Variants in EBF1 observed in about 807,000 individuals in gnomAD.
The protein encoded by EBF1 is EBF transcription factor 1, also known as transcription factor COE1.
In EBF1, 10 loss-of-function variants were observed where a neutral mutation model predicts 68.4. The ratio of observed to expected loss-of-function variants is 0.15; its 90% CI spans 0.09 to 0.25. The LOEUF (loss-of-function observed/expected upper bound fraction) is 0.25, where lower values mean the gene tolerates loss of function less well. Ranked by LOEUF, EBF1 falls within the 10% of genes least tolerant of loss-of-function variation. The pLI is 1.00. For synonymous variants in EBF1, 298 were observed against 299.8 expected, an observed-to-expected ratio of 0.99 and a Z score of 0.06; for missense variants, 509 against 794.4, an observed-to-expected ratio of 0.64 and a Z score of 4.32.
intron 10 of EBF1, among the ~76,000 whole-genome samples, chr5:158,761,818 A>C (rs1187448884): frequency 2.0e-5 from 3 of 152,142 alleles, no homozygotes; most frequent in East Asian, 3.8e-4. Context: ...AAATGGGAGA[A>C]TATTATATTA....
chr5:158,928,523 C>T (rs1490678530), intron 6 of EBF1, among the ~76,000 whole-genome samples: 2 of 152,172 alleles, frequency 1.3e-5, no homozygotes, highest in African/African-American at 4.8e-5. Context: ...TGAGCTATAA[C>T]ACTGTCAGGC....
Position 159,076,765 on chromosome 5 carries a change from G to A in EBF1, c.486-3301C>T, listed in dbSNP as rs138218078. Among the ~76,000 whole-genome samples, 7 of 152,232 alleles carry A rather than the reference G, an allele frequency of 4.6e-5. No homozygotes were observed. The East Asian group carries it at 1.4e-3, about 29-fold the overall frequency. On this transcript the variant is annotated intron_variant, in intron 5 of 15. Transcript: ENST00000313708. ...TGTTCTGCACCTCAAAATAATGTCT[G>A]CTACAAAATAATGTCTACAGTATGA... is the stretch of plus-strand genomic sequence containing the variant.
rs1254050441 is a variant in EBF1, at chr5:158,844,647, T to C, written c.555-4537A>G. ...ACTATAATCCATATGTCCTGATGTC[T>C]AGTTATATAATTTTCCCAACATAAT... On this transcript the variant is annotated intron_variant, in intron 6 of 15. Coordinates refer to ENST00000313708, the MANE Select transcript of EBF1 (RefSeq NM_024007.5). Among the ~76,000 whole-genome samples the C allele has an allele frequency of 2.6e-5, 4 of 152,228 alleles. No homozygotes were observed. In the East Asian group the frequency reaches 7.7e-4, roughly 29 times the overall value.
At chr5:158,966,364 C>T (rs1754100091) in intron 6 of EBF1, among the ~76,000 whole-genome samples, 2 of 152,100 alleles carry the variant, frequency 1.3e-5, no homozygotes, top group Non-Finnish European at 2.9e-5. Context: ...AAGAAAAAGT[C>T]CTTCCAATTT....
chr5:158,912,245 T>A (rs1806145498), intron 6 of EBF1, among the ~76,000 whole-genome samples: 2 of 152,286 alleles, frequency 1.3e-5, no homozygotes, highest in African/African-American at 4.8e-5. Context: ...CACATAGCCA[T>A]TAGTTTCACC....
chr5:158,806,511 G>A (rs149542165), intron 8 of EBF1, among the ~76,000 whole-genome samples: 10 of 152,142 alleles, frequency 6.6e-5, no homozygotes, highest in Non-Finnish European at 1.0e-4. Context: ...CTATGCTGTC[G>A]TGAATGTGGG....
intron 6 of EBF1, among the ~76,000 whole-genome samples, chr5:158,892,133 T>G (rs1281418416): frequency 2.0e-5 from 3 of 152,124 alleles, no homozygotes; most frequent in Non-Finnish European, 2.9e-5. Flanking sequence ...TTCCTAAGTT[T>G]AATATTCTAT....
At chr5:158,951,750 G>A (rs1816051545) in intron 6 of EBF1, among the ~76,000 whole-genome samples, 1 of 152,140 alleles carries the variant, frequency 6.6e-6, no homozygotes, top group Admixed American at 6.5e-5. Context: ...AAGAAAAAAA[G>A]CCAGTCCTCT....
chr5:158,778,305 C>T (rs866139678), intron 9 of EBF1, among the ~76,000 whole-genome samples: 1 of 152,086 alleles, frequency 6.6e-6, no homozygotes, highest in East Asian at 1.9e-4. Flanking sequence ...TTATTAATGG[C>T]CATAAAACTG....
intron 7 of EBF1, among the ~76,000 whole-genome samples, chr5:158,836,171 G>A (rs979348378): frequency 6.6e-6 from 1 of 152,192 alleles, no homozygotes; most frequent in Non-Finnish European, 1.5e-5. Flanking sequence ...GGCTGACTGA[G>A]TTGAAGTTCC....
In EBF1 at chr5:158,696,437, T is replaced by C. The variant is rs936257816; in HGVS notation, c.*2674A>G. ...CCACTGCACATGGCTGACAGATGGG[T>C]AGTGTCTGTTGTCAAGGTCTAAGCC... On this transcript the variant is annotated 3_prime_UTR_variant, in exon 16 of 16. Transcript: ENST00000313708. The C allele has an allele frequency of 4.5e-6, 1 of 221,422 alleles. No homozygotes were observed. Among genetic ancestry groups the C allele is most frequent in the Non-Finnish European group, 9.0e-6 (1 of 110,708 alleles). 13.7% of individuals were successfully genotyped at this position (221,422 alleles called of 1,614,324 possible).
intron 6 of EBF1, among the ~76,000 whole-genome samples, chr5:158,917,324 A>G (rs2127389732): frequency 6.6e-6 from 1 of 152,274 alleles, no homozygotes; most frequent in Middle Eastern, 3.4e-3. Context: ...CAATACAAGC[A>G]ATTCTTGTCC....
intron 10 of EBF1, among the ~76,000 whole-genome samples, chr5:158,736,424 A>C (rs1177293673): frequency 6.6e-6 from 1 of 152,184 alleles, no homozygotes; most frequent in Admixed American, 6.5e-5. Flanking sequence ...GTGCTTTCAC[A>C]TATTTCTGGG....
chr5:158,988,993 C>A (rs1002993492), intron 6 of EBF1, among the ~76,000 whole-genome samples: 1 of 152,186 alleles, frequency 6.6e-6, no homozygotes, highest in Admixed American at 6.5e-5. Context: ...TCTTGCCCAC[C>A]GCAGGCTTAG....
intron 6 of EBF1, among the ~76,000 whole-genome samples, chr5:159,038,098 C>G (rs1408851156): frequency 2.0e-5 from 3 of 152,180 alleles, no homozygotes; most frequent in African/African-American, 2.4e-5. Flanking sequence ...CCATATCTTT[C>G]CTTGTCCTTT....
intron 9 of EBF1, among the ~76,000 whole-genome samples, chr5:158,788,496 T>G (rs1777908306): frequency 6.6e-6 from 1 of 151,938 alleles, no homozygotes; most frequent in Non-Finnish European, 1.5e-5. Flanking sequence ...AAGGTTGGAG[T>G]CAAGGTGGTG....
In EBF1 at chr5:158,911,387, C is replaced by T. The variant is rs527861402; in HGVS notation, c.555-71277G>A. 9.5e-4 allele frequency among the ~76,000 whole-genome samples: 145 copies of T among 152,278 alleles called. No individual in the cohort carries two copies. In the South Asian group the frequency reaches 9.6e-3, roughly 10 times the overall value. Reference sequence around the variant, plus strand: ...ACTGTTTACTTCTATCACTAACCAGCCTGGCTGGTTACAGCTAGCTACACT... The same window carrying T: ...ACTGTTTACTTCTATCACTAACCAGTCTGGCTGGTTACAGCTAGCTACACT... On this transcript the variant is annotated intron_variant, in intron 6 of 15. Coordinates refer to ENST00000313708, the MANE Select transcript of EBF1 (RefSeq NM_024007.5).
chr5:158,783,466 T>C (rs1458181930), intron 9 of EBF1, among the ~76,000 whole-genome samples: 2 of 152,200 alleles, frequency 1.3e-5, no homozygotes, highest in South Asian at 2.1e-4. Context: ...TGCTCAACAA[T>C]AAAAATGCAT....
chr5:158,854,552 C>T (rs1793596816), intron 6 of EBF1, among the ~76,000 whole-genome samples: 1 of 152,168 alleles, frequency 6.6e-6, no homozygotes, highest in Admixed American at 6.5e-5. Flanking sequence ...GGAAAACCTC[C>T]AATACCCACC....
Sources: gnomAD v4.1 joint callset for allele counts (sites outside exome capture counted in the v4.1 genomes callset) on GRCh38, gnomAD v4.1.1 for gene constraint, MANE v1.5 for transcripts, NCBI Gene and HGNC (gene_info 2026-07-23, HGNC 2026-07-21) for gene names.